Variants in CNRIP1 observed in about 807,000 individuals in gnomAD.
CNRIP1 encodes the protein CB1 cannabinoid receptor-interacting protein 1.
Under a neutral mutation model 15.2 loss-of-function variants are expected in CNRIP1, and 10 were observed. The ratio of observed to expected loss-of-function variants is 0.66; its 90% CI spans 0.41 to 1.12. The LOEUF (loss-of-function observed/expected upper bound fraction) is 1.12. CNRIP1 is among the 50% of genes most tolerant of loss of function. The pLI is 0.00. For synonymous variants in CNRIP1, 91 were observed against 83.2 expected (o/e 1.09, Z -0.51); for missense variants, 211 against 214.7 (o/e 0.98, Z 0.11).
At chr2:68,288,653 C>G (rs78510244), downstream of CNRIP1, among the ~76,000 whole-genome samples, 903 of 152,280 alleles carry the variant, frequency 5.9e-3, 6 homozygotes, top group African/African-American at 0.02. Context: ...ATAAAGAGAA[C>G]TATAGGCAAA....
intron 2 of CNRIP1, among the ~76,000 whole-genome samples, chr2:68,305,740 A>G (rs530417486): frequency 1.5e-4 from 22 of 150,698 alleles, no homozygotes; most frequent in East Asian, 5.9e-4. Context: ...AGCTTGCAGT[A>G]AGCCGAGATG....
chr2:68,291,485 T>TCTGTCA (rs1191564710), downstream of CNRIP1, among the ~76,000 whole-genome samples: 7 of 152,140 alleles, frequency 4.6e-5, no homozygotes, highest in African/African-American at 1.7e-4. Context: ...CTGGCTCGTT[T>TCTGTCA]GTGGGACACT....
intron 2 of CNRIP1, among the ~76,000 whole-genome samples, chr2:68,303,733 A>T (rs1165513072): frequency 6.6e-6 from 1 of 152,218 alleles, no homozygotes; most frequent in African/African-American, 2.4e-5. Flanking sequence ...ATTAAAACAA[A>T]GATGTTATTA....
At chr2:68,302,771 T>A (rs1429983068) in intron 2 of CNRIP1, among the ~76,000 whole-genome samples, 1 of 151,898 alleles carries the variant, frequency 6.6e-6, no homozygotes, top group African/African-American at 2.4e-5. Flanking sequence ...TGAAGTGTGA[T>A]ATCAGAAAAG....
chr2:68,310,363 G>A (rs1672029661), intron 2 of CNRIP1, among the ~76,000 whole-genome samples: 1 of 152,138 alleles, frequency 6.6e-6, no homozygotes, highest in Non-Finnish European at 1.5e-5. Flanking sequence ...TGATAGAGCA[G>A]CTGGAGAAAT....
At chr2:68,291,072 G>C (rs1259284070), downstream of CNRIP1, among the ~76,000 whole-genome samples, 1 of 152,224 alleles carries the variant, frequency 6.6e-6, no homozygotes, top group African/African-American at 2.4e-5. Context: ...TTTGGAGTAG[G>C]AGGAGAGCTA....
Position 68,293,884 on chromosome 2 carries a change from A to T in CNRIP1, c.473T>A (p.Val158Glu). 6.2e-7 allele frequency: 1 copy of T among 1,613,904 alleles called. No individual in the cohort carries two copies. Among genetic ancestry groups the T allele is most frequent in the African/African-American group, 1.3e-5 (1 of 75,000 alleles). The stretch of plus-strand genomic sequence containing the variant: ...CTTTCAGAGGAAGGACTCCTTGTTC[A>T]CCCACATCAGACTGCGTGTCTCGTT... ...KPNETRSLMW[V>E]NKESFL The change falls in exon 3 of 3, where the codon GTG (valine) becomes GAG (glutamate). Residue 158 changes from valine (V) to glutamate (E), a missense_variant. By Grantham distance (121) the Val-to-Glu change is moderately radical (BLOSUM62 -2). Coordinates refer to ENST00000263655, the MANE Select transcript of CNRIP1 (RefSeq NM_015463.3).
chr2:68,285,881 G>A (rs1354959896), intron 2 of CNRIP1, among the ~76,000 whole-genome samples: 1 of 152,008 alleles, frequency 6.6e-6, no homozygotes, highest in Non-Finnish European at 1.5e-5. Context: ...CTTTTTGAGT[G>A]TATCCAAGCT....
chr2:68,315,108 C>T (rs1219356056), intron 2 of CNRIP1, among the ~76,000 whole-genome samples: 3 of 151,842 alleles, frequency 2.0e-5, no homozygotes, highest in Non-Finnish European at 2.9e-5. Context: ...TAAATGAACA[C>T]TCAAGATGTG....
At chr2:68,296,333 C>T (rs1375582340) in intron 2 of CNRIP1, among the ~76,000 whole-genome samples, 4 of 152,136 alleles carry the variant, frequency 2.6e-5, no homozygotes, top group South Asian at 4.1e-4. Context: ...ATGAGAGGAT[C>T]GCTTGAGACC....
At chr2:68,291,987 C>T (rs1446004839), downstream of CNRIP1, among the ~76,000 whole-genome samples, 2 of 151,816 alleles carry the variant, frequency 1.3e-5, no homozygotes, top group African/African-American at 2.4e-5. Context: ...ACCTGTTTCA[C>T]CAGTGAAAAT....
chr2:68,314,807 T>C (rs1672212236), intron 2 of CNRIP1, among the ~76,000 whole-genome samples: 1 of 152,074 alleles, frequency 6.6e-6, no homozygotes, highest in South Asian at 2.1e-4. Flanking sequence ...CATAGATTAT[T>C]TAAATAATTG....
intron 2 of CNRIP1, among the ~76,000 whole-genome samples, chr2:68,285,673 G>GAAAAA (rs1671014116): frequency 2.5e-5 from 2 of 80,930 alleles, no homozygotes; most frequent in African/African-American, 4.8e-5. Flanking sequence ...AAAAAAAAAA[G>GAAAAA]AAAAGAAAAG....
At chr2:68,312,667 T>C (rs150416621) in intron 2 of CNRIP1, among the ~76,000 whole-genome samples, 87 of 152,246 alleles carry the variant, frequency 5.7e-4, no homozygotes, top group Admixed American at 1.4e-3. Context: ...AGAAACTATT[T>C]ACAGATGACA....
chr2:68,311,590 A>G (rs974379037), intron 2 of CNRIP1, among the ~76,000 whole-genome samples: 6 of 152,178 alleles, frequency 3.9e-5, no homozygotes, highest in Middle Eastern at 3.4e-3. Flanking sequence ...CCTGGCCAAC[A>G]TGGCAAAAGC....
intron 1 of CNRIP1, 108 bp from the exon 2 acceptor site, chr2:68,317,415 G>C (rs947133158): frequency 2.5e-6 from 3 of 1,194,792 alleles, no homozygotes; most frequent in Non-Finnish European, 3.6e-6. Flanking sequence ...CACTAAGGGG[G>C]GCATTGTGGT....
chr2:68,293,051 A>G lies in CNRIP1; in HGVS notation c.*811T>C. 1 of 985,470 alleles carries G rather than the reference A, an allele frequency of 1.0e-6. No individual in the cohort carries two copies. The highest frequency in any genetic ancestry group is 1.2e-6 in the Non-Finnish European group (1 of 829,928). 61.0% of individuals were successfully genotyped at this position (985,470 alleles called of 1,614,324 possible). ...TATTAAGAAATATCAAAAGTTGATT[A>G]CAGGTCCATATGCAGTTTTACAAAG... On this transcript the variant is annotated 3_prime_UTR_variant, in exon 3 of 3. Coordinates refer to ENST00000263655, the MANE Select transcript of CNRIP1 (RefSeq NM_015463.3).
chr2:68,284,608 T>C, intron 2 of CNRIP1: 1 of 527,840 alleles, frequency 1.9e-6, no homozygotes. Flanking sequence ...GGTCAGGAGT[T>C]CGAGACCAGC....
intron 2 of CNRIP1, among the ~76,000 whole-genome samples, chr2:68,306,124 C>CCAAAAAA (rs1671833672): frequency 3.9e-5 from 1 of 25,328 alleles, no homozygotes; most frequent in Non-Finnish European, 7.0e-5. Flanking sequence ...CCCACCTCTA[C>CCAAAAAA]AAAAAAAAAA....
Sources: gnomAD v4.1 joint callset for allele counts (sites outside exome capture counted in the v4.1 genomes callset) on GRCh38, gnomAD v4.1.1 for gene constraint, MANE v1.5 for transcripts, NCBI Gene and HGNC (gene_info 2026-07-23, HGNC 2026-07-21) for gene names.